Variants in SENP1 observed in about 807,000 individuals in gnomAD.
SENP1 encodes the protein SUMO specific peptidase 1.
In SENP1, 21 loss-of-function variants were observed where a neutral mutation model predicts 93.0. The ratio of observed to expected loss-of-function variants is 0.23; its 90% confidence interval spans 0.16 to 0.33. The LOEUF (loss-of-function observed/expected upper bound fraction) is 0.33. SENP1 is among the 10% of genes least tolerant of loss of function. SENP1 has a pLI of 1.00. For missense variants in SENP1, 591 were observed against 758.7 expected (o/e 0.78, Z 2.60); for synonymous variants, 256 against 259.6 (o/e 0.99, Z 0.13).
At chr12:48,094,819 T>G (rs543821496) in intron 4 of SENP1, among the ~76,000 whole-genome samples, 1 of 152,298 alleles carries the variant, frequency 6.6e-6, no homozygotes, top group African/African-American at 2.4e-5. Context: ...AGAGATTCTA[T>G]CCAATGGTAA....
At chr12:48,049,171 G>C in intron 13 of SENP1, 39 bp from the exon 14 acceptor site, 3 of 1,497,820 alleles carry the variant, frequency 2.0e-6, no homozygotes, top group Non-Finnish European at 2.8e-6. Context: ...TAGACACTCA[G>C]GCCTAGCCTT....
chr12:48,099,989 A>G (rs942686474), intron 2 of SENP1, among the ~76,000 whole-genome samples: 3 of 152,222 alleles, frequency 2.0e-5, no homozygotes, highest in Non-Finnish European at 4.4e-5. Flanking sequence ...ACAGAATTCA[A>G]CGACTTACAC....
At chr12:48,103,519 C>G (rs1946099149) in intron 1 of SENP1, among the ~76,000 whole-genome samples, 1 of 152,196 alleles carries the variant, frequency 6.6e-6, no homozygotes, top group Non-Finnish European at 1.5e-5. Context: ...ACAAATACAT[C>G]CAGCTACTTC....
At chr12:48,056,534 A>T (rs1281965403) in intron 13 of SENP1, among the ~76,000 whole-genome samples, 1 of 64,762 alleles carries the variant, frequency 1.5e-5, no homozygotes, top group African/African-American at 9.5e-5. Context: ...TACATATATA[A>T]ATATATTATT....
At chr12:48,069,391 A>C (rs1283614702) in intron 9 of SENP1, among the ~76,000 whole-genome samples, 1 of 152,210 alleles carries the variant, frequency 6.6e-6, no homozygotes, top group Non-Finnish European at 1.5e-5. Context: ...AAGCCTCAGC[A>C]GAGTAGGCAC....
In SENP1 at chr12:48,098,470, C is replaced by T. The variant is rs112110313; in HGVS notation, c.5-346G>A. 7.2e-3 allele frequency among the ~76,000 whole-genome samples: 1,090 copies of T among 152,040 alleles called. 19 individuals are homozygous for T. The highest frequency in any genetic ancestry group is 0.025 in the African/African-American group (1,037 of 41,490). ...CCAGCCTGGCCAACATGGTGAAACC[C>T]TGTCTCTACCAGAAATACAAAAATT... On this transcript the variant is annotated intron_variant, in intron 2 of 17. Coordinates refer to ENST00000549518, the MANE Select transcript of SENP1 (RefSeq NM_001267594.2).
At chr12:48,096,275 CAT>C in intron 4 of SENP1, 66 bp downstream of exon 4, 1 of 830,304 alleles carries the variant, frequency 1.2e-6, no homozygotes. Context: ...AGATGATAAA[CAT>C]AAACGATATG....
intron 5 of SENP1, among the ~76,000 whole-genome samples, chr12:48,086,347 A>G (rs1200327788): frequency 6.6e-6 from 1 of 152,212 alleles, no homozygotes; most frequent in Non-Finnish European, 1.5e-5. Flanking sequence ...GAAAAATATT[A>G]TTTCATTAAC....
intron 5 of SENP1, chr12:48,085,474 C>T (rs570906845): frequency 1.7e-5 from 11 of 633,762 alleles, no homozygotes; most frequent in South Asian, 2.4e-5. Flanking sequence ...CATTCTCAGG[C>T]CTCTCCCCAG....
intron 2 of SENP1, among the ~76,000 whole-genome samples, chr12:48,101,040 C>T (rs925872501): frequency 5.3e-5 from 8 of 152,234 alleles, no homozygotes; most frequent in African/African-American, 1.9e-4. Context: ...AATCCCAGCA[C>T]TTTGAGAGGC....
chr12:48,063,249 C>A (rs17607800), intron 13 of SENP1, among the ~76,000 whole-genome samples: 27 of 152,008 alleles, frequency 1.8e-4, no homozygotes, highest in African/African-American at 6.3e-4. Flanking sequence ...TAAATGGAGG[C>A]GATTTTGGAA....
intron 13 of SENP1, among the ~76,000 whole-genome samples, chr12:48,053,717 T>G (rs1941995850): frequency 6.6e-6 from 1 of 152,302 alleles, no homozygotes; most frequent in Admixed American, 6.5e-5. Flanking sequence ...GTAATTAGTC[T>G]GCCTGGTTAG....
At chr12:48,094,894 T>G (rs978755069) in intron 4 of SENP1, among the ~76,000 whole-genome samples, 2 of 152,176 alleles carry the variant, frequency 1.3e-5, no homozygotes, top group Admixed American at 6.6e-5. Context: ...TGATCTAATT[T>G]CATTAACCAT....
intron 13 of SENP1, among the ~76,000 whole-genome samples, chr12:48,056,362 T>A (rs1462003185): frequency 1.7e-5 from 2 of 117,486 alleles, no homozygotes; most frequent in Non-Finnish European, 3.2e-5. Flanking sequence ...ATATATTATT[T>A]AATATATTAC....
In SENP1 at chr12:48,101,496, C is replaced by T. The variant is rs765952223; in HGVS notation, c.-24G>A. 6.3e-7 allele frequency: 1 copy of T among 1,592,936 alleles called. No individual in the cohort carries two copies. The highest frequency in any genetic ancestry group is 1.4e-5 in the African/African-American group (1 of 73,978). ...ATTTCAAGTCTTTTCACATCACTGA[C>T]TTTAGCAAAGATACAAAGTCCTATA... On this transcript the variant is annotated 5_prime_UTR_variant, in exon 2 of 18. Coordinates refer to ENST00000549518, the MANE Select transcript of SENP1 (RefSeq NM_001267594.2).
chr12:48,070,433 T>C (rs1361443326), intron 9 of SENP1, among the ~76,000 whole-genome samples: 1 of 152,138 alleles, frequency 6.6e-6, no homozygotes, highest in African/African-American at 2.4e-5. Flanking sequence ...ATACATTTGT[T>C]TATCCTTCCC....
chr12:48,050,647 G>A (rs1255482190), intron 13 of SENP1, among the ~76,000 whole-genome samples: 1 of 152,170 alleles, frequency 6.6e-6, no homozygotes, highest in South Asian at 2.1e-4. Context: ...TTAACTATAA[G>A]TTTTCAGTCT....
intron 5 of SENP1, among the ~76,000 whole-genome samples, chr12:48,087,636 AGCTTTGCT>A (rs1944970379): frequency 6.6e-6 from 1 of 152,238 alleles, no homozygotes; most frequent in Admixed American, 6.5e-5. Context: ...AGGGATCTTC[AGCTTTGCT>A]GGTAATGTGT....
chr12:48,046,353 C>T lies in SENP1; in HGVS notation c.1872+3G>A. ...AGAGCTCCCTATGGAAGGCTCAGCT[C>T]ACCTGTGTGAAGTTGATTGGTCTGT... On this transcript the variant is annotated splice_donor_region_variant and intron_variant, in intron 17 of 17. Coordinates refer to ENST00000549518, the MANE Select transcript of SENP1 (RefSeq NM_001267594.2). 6.2e-7 allele frequency: 1 copy of T among 1,605,846 alleles called. No individual in the cohort carries two copies. The highest frequency in any genetic ancestry group is 8.5e-7 in the Non-Finnish European group (1 of 1,172,740).
Sources: gnomAD v4.1 joint callset for allele counts (sites outside exome capture counted in the v4.1 genomes callset) on GRCh38, gnomAD v4.1.1 for gene constraint, MANE v1.5 for transcripts, NCBI Gene and HGNC (gene_info 2026-07-23, HGNC 2026-07-21) for gene names.